The following PTPRA variants were observed in gnomAD, a reference collection of about 807,000 sequenced individuals.
PTPRA encodes receptor-type tyrosine-protein phosphatase alpha.
A neutral mutation model predicts 104.8 loss-of-function variants in PTPRA; 25 were observed. The observed-to-expected ratio is 0.24, with a 90% confidence interval of 0.17 to 0.33. The LOEUF is 0.33. PTPRA is among the 10% of genes least tolerant of loss of function. PTPRA has a pLI of 1.00. For missense variants in PTPRA, 765 were observed against 1,015.3 expected (o/e 0.75, Z 3.35); for synonymous variants, 323 against 368.9 (o/e 0.88, Z 1.43).
intron 5 of PTPRA, among the ~76,000 whole-genome samples, chr20:2,967,550 TTTTG>T (rs2147957060): frequency 6.6e-6 from 1 of 152,332 alleles, no homozygotes; most frequent in African/African-American, 2.4e-5. Context: ...TTACCTTATT[TTTTG>T]TTTATTTAGT....
intron 13 of PTPRA, among the ~76,000 whole-genome samples, chr20:3,020,390 G>T (rs12480786): frequency 6.6e-6 from 1 of 152,090 alleles, no homozygotes; most frequent in South Asian, 2.1e-4. Flanking sequence ...GAGCCACCAC[G>T]CCCGGCCCAC....
chr20:2,917,003 G>A (rs1402065937), intron 1 of PTPRA, among the ~76,000 whole-genome samples: 1 of 146,032 alleles, frequency 6.8e-6, no homozygotes, highest in Non-Finnish European at 1.5e-5. Flanking sequence ...TATTGCCCAG[G>A]CTGGAGTGCA....
At chr20:3,032,722 C>T (rs573481235) in intron 20 of PTPRA, among the ~76,000 whole-genome samples, 40 of 150,662 alleles carry the variant, frequency 2.7e-4, no homozygotes, top group South Asian at 2.1e-3. Context: ...GCCAAGATCG[C>T]GCCACTGCAT....
the PTPRA span, chr20:2,866,449 G>C: frequency 1.2e-6 from 2 of 1,614,212 alleles, no homozygotes; most frequent in Admixed American, 3.3e-5. Flanking sequence ...TCAGGCTGCA[G>C]ATGTGGCCAT....
intron 20 of PTPRA, among the ~76,000 whole-genome samples, chr20:3,031,497 A>G (rs1222495800): frequency 6.6e-6 from 1 of 152,038 alleles, no homozygotes; most frequent in Non-Finnish European, 1.5e-5. Context: ...TTTTGGAGGC[A>G]TCAGTCACCA....
intron 22 of PTPRA, among the ~76,000 whole-genome samples, chr20:3,036,912 G>A (rs1393900265): frequency 6.6e-6 from 1 of 152,188 alleles, no homozygotes; most frequent in Non-Finnish European, 1.5e-5. Context: ...TGCTGGTGGG[G>A]TGTGAGTGAA....
intron 2 of PTPRA, among the ~76,000 whole-genome samples, chr20:2,935,121 T>C (rs1264766910): frequency 6.6e-6 from 1 of 152,234 alleles, no homozygotes; most frequent in Non-Finnish European, 1.5e-5. Context: ...AACTGAATTT[T>C]GTGTCCTTTG....
At chr20:2,874,826 T>G (rs543853929) in intron 1 of PTPRA, among the ~76,000 whole-genome samples, 21 of 152,308 alleles carry the variant, frequency 1.4e-4, no homozygotes, top group African/African-American at 4.6e-4. Flanking sequence ...CTCAATTTAC[T>G]CCTTTACTTT....
At chr20:2,938,164 G>A (rs1049988653) in intron 2 of PTPRA, among the ~76,000 whole-genome samples, 6 of 151,930 alleles carry the variant, frequency 3.9e-5, no homozygotes, top group African/African-American at 1.4e-4. Context: ...AAAACAGATA[G>A]ATAGATAGTT....
chr20:3,034,296 A>C (rs2065689485), intron 20 of PTPRA, among the ~76,000 whole-genome samples: 1 of 152,120 alleles, frequency 6.6e-6, no homozygotes, highest in South Asian at 2.1e-4. Context: ...TGAGACTCTT[A>C]GTGTTGATAC....
chr20:2,935,197 A>G (rs1012293931), intron 2 of PTPRA, among the ~76,000 whole-genome samples: 7 of 152,200 alleles, frequency 4.6e-5, no homozygotes, highest in East Asian at 1.9e-4. Flanking sequence ...CTCTATTTCT[A>G]TGAATTCAAC....
intron 1 of PTPRA, among the ~76,000 whole-genome samples, chr20:2,882,957 AGGCTTCCAAATCCAACACTTTTTTTT>A (rs1326602020): frequency 6.7e-6 from 1 of 150,038 alleles, no homozygotes; most frequent in Non-Finnish European, 1.5e-5. Flanking sequence ...GAAATCCAAA[AGGCTTCCAAATCCAACACTTTTTTTT>A]TTTTTTTTTT....
At chr20:3,007,836 G>GTA (rs1232883366) in intron 11 of PTPRA, among the ~76,000 whole-genome samples, 14 of 150,492 alleles carry the variant, frequency 9.3e-5, no homozygotes, top group African/African-American at 2.5e-4. Context: ...GTCTGTGTGT[G>GTA]TGTATATATA....
chr20:2,882,726 C>T (rs975469263), intron 1 of PTPRA, among the ~76,000 whole-genome samples: 1 of 152,104 alleles, frequency 6.6e-6, no homozygotes, highest in Non-Finnish European at 1.5e-5. Context: ...AAGAACATTA[C>T]TATATGGAAT....
chr20:2,868,379 G>T, the PTPRA span, among the ~76,000 whole-genome samples: 12 of 144,700 alleles, frequency 8.3e-5, no homozygotes, highest in Admixed American at 6.6e-4. Flanking sequence ...GCCCAAGCTG[G>T]TTTTAAACTC....
intron 11 of PTPRA, among the ~76,000 whole-genome samples, chr20:3,015,190 G>T (rs1267427405): frequency 6.6e-6 from 1 of 152,074 alleles, no homozygotes; most frequent in Non-Finnish European, 1.5e-5. Flanking sequence ...TCCCCTGGTG[G>T]GTTCTTAACC....
intron 9 of PTPRA, among the ~76,000 whole-genome samples, chr20:2,990,491 G>A (rs1208664455): frequency 6.6e-6 from 1 of 152,152 alleles, no homozygotes; most frequent in Non-Finnish European, 1.5e-5. Flanking sequence ...GCTGAGGCAG[G>A]CAGATTGCCT....
chr20:2,949,255 A>G (rs1201462086), intron 3 of PTPRA, among the ~76,000 whole-genome samples: 2 of 151,514 alleles, frequency 1.3e-5, no homozygotes, highest in African/African-American at 4.8e-5. Context: ...ACCTTGACAA[A>G]GTTACCCTGT....
chr20:2,876,938 C>T (rs2089757965), intron 1 of PTPRA, among the ~76,000 whole-genome samples: 1 of 152,142 alleles, frequency 6.6e-6, no homozygotes. Context: ...TTTGAATTTA[C>T]AGAGGGAGAT....
Sources: gnomAD v4.1 joint callset for allele counts (sites outside exome capture counted in the v4.1 genomes callset) on GRCh38, gnomAD v4.1.1 for gene constraint, MANE v1.5 for transcripts, NCBI Gene and HGNC (gene_info 2026-07-23, HGNC 2026-07-21) for gene names.